The following TRIM5 variants were observed in gnomAD, a reference collection of about 807,000 sequenced individuals.
TRIM5 encodes tripartite motif-containing protein 5.
TRIM5 carries 31 observed loss-of-function variants against 35.6 expected under a neutral mutation model. The ratio of observed to expected loss-of-function variants is 0.87; its 90% CI spans 0.65 to 1.18. TRIM5 has a LOEUF of 1.18. Ranked by LOEUF, TRIM5 falls within the 50% of genes most tolerant of loss-of-function variation. TRIM5 has a pLI of 0.00. For missense variants in TRIM5, 609 were observed against 591.6 expected (o/e 1.03, Z -0.31); for synonymous variants, 243 against 215.6 (o/e 1.13, Z -1.11).
At chr11:5,623,348 TTTTA>T in the TRIM5 span, among the ~76,000 whole-genome samples, 32 of 151,824 alleles carry the variant, frequency 2.1e-4, no homozygotes, top group African/African-American at 7.3e-4. Context: ...ATTATAATAC[TTTTA>T]TTTATTTTGT....
the TRIM5 span, among the ~76,000 whole-genome samples, chr11:5,601,063 T>G: frequency 3.3e-5 from 5 of 152,338 alleles, no homozygotes; most frequent in Admixed American, 3.3e-4. Context: ...AGGTCTCAAC[T>G]GCCTTACCGG....
At position 5,665,168 on chromosome 11, in the gene TRIM5, C is replaced by A; in HGVS notation, c.1123G>T (p.Val375Leu). 3 of 1,613,950 alleles carry A rather than the reference C, an allele frequency of 1.9e-6. No homozygotes were observed. The highest frequency in any genetic ancestry group is 1.7e-5 in the Admixed American group (1 of 59,994). Residue 375 changes from valine to leucine, a missense_variant, in exon 8 of 8, where the codon GTA becomes TTA. Val to Leu is a conservative substitution (Grantham distance 32). Coordinates refer to ENST00000380034, the MANE Select transcript of TRIM5 (RefSeq NM_033034.3). ...GCATCAGGTTGGAAGCCAGCACATA[C>A]CCCCAGGATCCAAGCAGTTTTCTTG... Reference protein sequence around the residue: ...VSKKTAWILGVCAGFQPDAMC... With the variant: ...VSKKTAWILGLCAGFQPDAMC...
chr11:5,667,762 C>CT, intron 4 of TRIM5, 51 bp from the exon 5 acceptor site: 1 of 1,591,680 alleles, frequency 6.3e-7, no homozygotes, highest in Non-Finnish European at 8.6e-7. Flanking sequence ...TCTCTCCTCA[C>CT]TTATAAAGCT....
At chr11:5,658,300 G>C (rs915478632), downstream of TRIM5, among the ~76,000 whole-genome samples, 1 of 152,152 alleles carries the variant, frequency 6.6e-6, no homozygotes, top group African/African-American at 2.4e-5. Flanking sequence ...CTGGCTGCTG[G>C]GTGGCCCAAC....
the TRIM5 span, among the ~76,000 whole-genome samples, chr11:5,640,824 C>T: frequency 6.6e-6 from 1 of 152,132 alleles, no homozygotes; most frequent in Admixed American, 6.6e-5. Context: ...AATCTCTTAA[C>T]ATGTTTTAGG....
At chr11:5,677,696 T>C (rs1490798474) in intron 4 of TRIM5, among the ~76,000 whole-genome samples, 1 of 152,222 alleles carries the variant, frequency 6.6e-6, no homozygotes, top group East Asian at 1.9e-4. Context: ...CCCAAAGTGC[T>C]GGGATTACAG....
intron 7 of TRIM5, 128 bp from the exon 8 acceptor site, chr11:5,665,523 G>GT: frequency 6.4e-7 from 1 of 1,556,408 alleles, no homozygotes; most frequent in Middle Eastern, 1.7e-4. Context: ...GGAGGGGTAA[G>GT]TTATGTGTGT....
the TRIM5 span, chr11:5,645,889 A>T: frequency 5.9e-6 from 1 of 169,290 alleles, no homozygotes; most frequent in Non-Finnish European, 1.1e-5. Context: ...AAATATATAT[A>T]TATATATCTA....
At chr11:5,631,012 T>G in the TRIM5 span, among the ~76,000 whole-genome samples, 1 of 152,202 alleles carries the variant, frequency 6.6e-6, no homozygotes. Context: ...CTAAATGTGG[T>G]CTCCCTTTAT....
At chr11:5,597,537 G>C in the TRIM5 span, among the ~76,000 whole-genome samples, 6 of 151,882 alleles carry the variant, frequency 4.0e-5, no homozygotes, top group African/African-American at 1.5e-4. Context: ...CCTACACAAA[G>C]ATAAAAAAAA....
the TRIM5 span, among the ~76,000 whole-genome samples, chr11:5,640,366 C>A: frequency 6.6e-6 from 1 of 151,742 alleles, no homozygotes; most frequent in Admixed American, 6.6e-5. Context: ...TTGCTGAATG[C>A]TTTTTTTCAT....
the TRIM5 span, chr11:5,612,333 C>G: frequency 2.6e-5 from 4 of 152,116 alleles, no homozygotes; most frequent in Non-Finnish European, 5.9e-5. Flanking sequence ...GCTTCAAACT[C>G]AAATTGAAGA....
intron 1 of TRIM5, among the ~76,000 whole-genome samples, chr11:5,680,637 C>T (rs1419336165): frequency 6.6e-6 from 1 of 152,178 alleles, no homozygotes; most frequent in Non-Finnish European, 1.5e-5. Context: ...CACATTTGCT[C>T]TTCTCTCAGC....
chr11:5,632,417 ACTGTGGCCACAGC>A, the TRIM5 span: 1 of 1,614,016 alleles, frequency 6.2e-7, no homozygotes, highest in Non-Finnish European at 8.5e-7. Context: ...TTGAGTCTAG[ACTGTGGCCACAGC>A]CTCTGCCGAG....
chr11:5,671,304 TA>T (rs5789423), intron 4 of TRIM5, among the ~76,000 whole-genome samples: 3,541 of 141,778 alleles, frequency 0.025, 151 homozygotes, highest in African/African-American at 0.09. Flanking sequence ...TCAGGGGGAT[TA>T]AAAAAAAAAC....
the TRIM5 span, among the ~76,000 whole-genome samples, chr11:5,651,027 A>C: frequency 6.6e-6 from 1 of 152,096 alleles, no homozygotes; most frequent in South Asian, 2.1e-4. Flanking sequence ...CTTCCACTCA[A>C]ATCTTACTCT....
intron 7 of TRIM5, 101 bp from the exon 8 acceptor site, chr11:5,665,496 T>C (rs1851061314): frequency 6.5e-7 from 1 of 1,544,510 alleles, no homozygotes; most frequent in Non-Finnish European, 8.7e-7. Context: ...GGGAGGAACC[T>C]TGTTTAGAAG....
At position 5,678,401 on chromosome 11, in the gene TRIM5, C is replaced by A. The variant is rs370971495; in HGVS notation, c.547G>T (p.Ala183Ser). The change falls in exon 4 of 8, where the codon GCA becomes TCA. Residue 183 changes from alanine (A) to serine (S), a missense_variant. Coordinates refer to ENST00000380034, the MANE Select transcript of TRIM5 (RefSeq NM_033034.3). Reference protein sequence around the residue: ...QIQYDKTNVLADFEQLRDILD... With the variant: ...QIQYDKTNVLSDFEQLRDILD... ...ATGTCTCTCAGTTGCTCAAAATCTG[C>A]CAAGACGTTGGTTTTGTCATACTGT... 3.8e-6 allele frequency: 6 copies of A among 1,589,948 alleles called. No individual in the cohort carries two copies. The highest frequency in any genetic ancestry group is 5.2e-6 in the Non-Finnish European group (6 of 1,164,744).
At chr11:5,648,229 G>A in the TRIM5 span, among the ~76,000 whole-genome samples, 102 of 152,200 alleles carry the variant, frequency 6.7e-4, no homozygotes, top group African/African-American at 2.1e-3. Flanking sequence ...CTTCGGGGCC[G>A]GGCGCGGTGG....
Sources: allele counts gnomAD v4.1 joint callset (sites outside exome capture counted in the v4.1 genomes callset), GRCh38; gene constraint gnomAD v4.1.1; transcripts MANE v1.5; gene names NCBI Gene and HGNC (gene_info 2026-07-23, HGNC 2026-07-21).